CACNA1E: variants seen among roughly 807,000 people sequenced by gnomAD.
The protein encoded by CACNA1E is voltage-dependent R-type calcium channel subunit alpha-1E.
Under a neutral mutation model 259.2 loss-of-function variants are expected in CACNA1E, and 40 were observed. The observed-to-expected ratio is 0.15, with a 90% CI of 0.12 to 0.20. The LOEUF (loss-of-function observed/expected upper bound fraction) is 0.20. Among genes scored for constraint, CACNA1E ranks in the 10% least tolerant of loss-of-function variants. The pLI is 1.00. For missense variants in CACNA1E, 1,874 were observed against 3,040.1 expected, an observed-to-expected ratio of 0.62 and a Z score of 9.02; for synonymous variants, 1,104 against 1,138.5, an observed-to-expected ratio of 0.97 and a Z score of 0.61.
At chr1:181,771,566 G>A (rs1164609210) in intron 36 of CACNA1E, 182 bp downstream of exon 36, 2 of 578,268 alleles carry the variant, frequency 3.5e-6, no homozygotes, top group South Asian at 4.6e-5. Flanking sequence ...GTTTTGTCTT[G>A]TCTACAGCCA....
chr1:181,762,113 G>A (rs768249672), intron 32 of CACNA1E, among the ~76,000 whole-genome samples: 2 of 152,092 alleles, frequency 1.3e-5, no homozygotes, highest in African/African-American at 2.4e-5. Context: ...GGCACTTGAC[G>A]CAATAGAGAT....
chr1:181,710,204 C>T (rs1431795614), intron 7 of CACNA1E, among the ~76,000 whole-genome samples: 2 of 151,976 alleles, frequency 1.3e-5, no homozygotes, highest in Non-Finnish European at 2.9e-5. Context: ...CACCCCACCC[C>T]CACCACCTTC....
intron 1 of CACNA1E, among the ~76,000 whole-genome samples, chr1:181,371,823 C>T (rs531756844): frequency 6.6e-6 from 1 of 152,234 alleles, no homozygotes; most frequent in Non-Finnish European, 1.5e-5. Flanking sequence ...TTTATCCCAG[C>T]ACCACTTATT....
At chr1:181,538,736 G>A (rs1420908930) in intron 3 of CACNA1E, among the ~76,000 whole-genome samples, 8 of 152,154 alleles carry the variant, frequency 5.3e-5, no homozygotes, top group Non-Finnish European at 1.0e-4. Flanking sequence ...TTGCCAAGGA[G>A]AACATGGGAA....
chr1:181,711,438 G>A (rs1395457862), intron 8 of CACNA1E, among the ~76,000 whole-genome samples: 1 of 152,162 alleles, frequency 6.6e-6, no homozygotes, highest in African/African-American at 2.4e-5. Flanking sequence ...GCCAGACCCT[G>A]TTCTAAGCAC....
Position 181,798,558 on chromosome 1 carries a change from C to T in CACNA1E, c.6666C>T (p.Ala2222=). The T allele has an allele frequency of 2.5e-6, 4 of 1,613,808 alleles. No homozygotes were observed. Among genetic ancestry groups the T allele is most frequent in the Non-Finnish European group, 2.5e-6 (3 of 1,179,892 alleles). ...NSPHPQQSQH[A]SPQRYISEPY... is the part of the protein sequence containing the mutation. ...CGCACCCCCAGCAGAGCCAACATGC[C>T]TCCCCACAGCGCTACATCTCCGAGC... The change falls in exon 48 of 48, where the codon GCC becomes GCT. Residue 2222 remains alanine, a synonymous_variant. Transcript: ENST00000367573. This position sits in a 1 kb window ranked among gnomAD's most constrained non-coding sequence, Gnocchi z 4.2.
chr1:181,510,296 A>C (rs2102617182), intron 1 of CACNA1E, among the ~76,000 whole-genome samples, 181 bp from the exon 2 acceptor site: 1 of 152,338 alleles, frequency 6.6e-6, no homozygotes, highest in African/African-American at 2.4e-5. Context: ...TTGGTTTCAC[A>C]AAACCAAAAG....
chr1:181,712,650 G>A (rs1364974002), intron 8 of CACNA1E, among the ~76,000 whole-genome samples: 3 of 152,208 alleles, frequency 2.0e-5, no homozygotes, highest in African/African-American at 7.2e-5. Context: ...CTCCAAGGCT[G>A]TTGTGTAGGG....
In CACNA1E at chr1:181,401,397, C is replaced by T. The variant is rs140782899; in HGVS notation, c.-14-11736C>T. Among the ~76,000 whole-genome samples, 413 of 152,268 alleles carry T rather than the reference C, an allele frequency of 2.7e-3. 2 individuals are homozygous for T. Among genetic ancestry groups the T allele is most frequent in the African/African-American group, 8.1e-3 (338 of 41,548 alleles). On this transcript the variant is annotated intron_variant, in intron 1 of 11. Coordinates refer to the CACNA1E transcript ENST00000524607. ...CTTATTTGTTTTTTCCACTTGAGCA[C>T]AAATCAAGGTTCATGTTAGAATCTG...
At chr1:181,625,775 T>C (rs1656141299) in intron 6 of CACNA1E, among the ~76,000 whole-genome samples, 1 of 152,344 alleles carries the variant, frequency 6.6e-6, no homozygotes, top group South Asian at 2.1e-4. Flanking sequence ...GACAACTTTT[T>C]CTTGCACTCA....
chr1:181,736,127 T>TA, intron 21 of CACNA1E, 148 bp from the exon 22 acceptor site: 2 of 812,374 alleles, frequency 2.5e-6, no homozygotes, highest in Non-Finnish European at 1.9e-6. Context: ...TGTCAGGTAG[T>TA]AAATACCCCC....
At chr1:181,754,458 C>T (rs1657888925) in intron 27 of CACNA1E, among the ~76,000 whole-genome samples, 1 of 152,190 alleles carries the variant, frequency 6.6e-6, no homozygotes, top group Admixed American at 6.5e-5. Flanking sequence ...AGAAAATAAC[C>T]TGAAAATGCC....
At chr1:181,779,852 G>T (rs1660276277) in intron 38 of CACNA1E, among the ~76,000 whole-genome samples, 1 of 105,572 alleles carries the variant, frequency 9.5e-6, no homozygotes, top group Non-Finnish European at 2.1e-5. Context: ...ACACACACAG[G>T]TCCACCTTAG....
intron 18 of CACNA1E, among the ~76,000 whole-genome samples, chr1:181,728,239 A>G (rs568492525): frequency 6.6e-6 from 1 of 152,282 alleles, no homozygotes; most frequent in Admixed American, 6.5e-5. Context: ...GAGATGAGGA[A>G]GCCTGGGGGA....
At chr1:181,369,986 G>C (rs115685511) in intron 1 of CACNA1E, among the ~76,000 whole-genome samples, 3,238 of 151,996 alleles carry the variant, frequency 0.021, 41 homozygotes, top group Non-Finnish European at 0.027. Context: ...CCTGGTGTCT[G>C]CTCTTCCCTT....
chr1:181,795,174 T>C lies in CACNA1E; in HGVS notation c.6208+130T>C, dbSNP rs774457588. The C allele has an allele frequency of 2.0e-5, 15 of 755,872 alleles. No homozygotes were observed. The East Asian group carries it at 3.6e-4, about 18-fold the overall frequency. 46.8% of individuals were successfully genotyped at this position (755,872 alleles called of 1,614,324 possible). ...AAGGGCTGAAGAAAGTGAAGGATGCTCCTTACCAAAGGGAATTCCTGTATC... is the reference window on the plus strand; with the variant it reads ...AAGGGCTGAAGAAAGTGAAGGATGCCCCTTACCAAAGGGAATTCCTGTATC... On this transcript the variant is annotated intron_variant, in intron 46 of 47. Coordinates refer to ENST00000367573, the MANE Select transcript of CACNA1E (RefSeq NM_001205293.3).
intron 22 of CACNA1E, 51 bp from the exon 23 acceptor site, chr1:181,737,474 G>A (rs1558327622): frequency 6.2e-7 from 1 of 1,605,568 alleles, no homozygotes; most frequent in Non-Finnish European, 8.5e-7. Flanking sequence ...AGGAGTAAGG[G>A]CATGGGCGTG....
chr1:181,684,876 CTTT>C (rs34538225), intron 7 of CACNA1E, among the ~76,000 whole-genome samples: 5 of 135,138 alleles, frequency 3.7e-5, no homozygotes, highest in African/African-American at 8.3e-5. Context: ...TTTTTAAATC[CTTT>C]TTTTTTTTTT....
intron 2 of CACNA1E, among the ~76,000 whole-genome samples, chr1:181,443,341 G>A (rs1039082500): frequency 6.6e-5 from 10 of 152,304 alleles, no homozygotes; most frequent in South Asian, 2.1e-4. Flanking sequence ...TGTTTGACAC[G>A]AACTCCATAG....
Sources: gnomAD v4.1 joint callset for allele counts (sites outside exome capture counted in the v4.1 genomes callset) on GRCh38, gnomAD v4.1.1 for gene constraint, Gnocchi (gnomAD v3.1) non-coding constraint, MANE v1.5 for transcripts, NCBI Gene and HGNC (gene_info 2026-07-23, HGNC 2026-07-21) for gene names.